The following ATG5 variants were observed in gnomAD, a reference collection of about 807,000 sequenced individuals.
ATG5 encodes autophagy protein 5.
In ATG5, 14 loss-of-function variants were observed where a neutral mutation model predicts 36.5. The ratio of observed to expected loss-of-function variants is 0.38; its 90% CI spans 0.25 to 0.60. The LOEUF is 0.60. Ranked by LOEUF, ATG5 falls within the 20% of genes least tolerant of loss-of-function variation. The probability of loss-of-function intolerance (pLI) is 0.60; values close to 1 mark genes in which losing one functional copy is unlikely to be tolerated. For synonymous variants in ATG5, 95 were observed against 101.5 expected (o/e 0.94, Z 0.38); for missense variants, 195 against 326.7 (o/e 0.60, Z 3.11).
At chr6:106,259,451 A>C (rs1431775436) in intron 5 of ATG5, among the ~76,000 whole-genome samples, 1 of 152,212 alleles carries the variant, frequency 6.6e-6, no homozygotes, top group African/African-American at 2.4e-5. Flanking sequence ...AGATATCTGA[A>C]TTGCATTACT....
chr6:106,223,285 T>C (rs1670438453), intron 6 of ATG5, among the ~76,000 whole-genome samples: 1 of 152,236 alleles, frequency 6.6e-6, no homozygotes, highest in Non-Finnish European at 1.5e-5. Flanking sequence ...AAAATATATC[T>C]GCTGGAAAAA....
intron 6 of ATG5, among the ~76,000 whole-genome samples, chr6:106,208,788 G>C (rs1006695219): frequency 6.6e-6 from 1 of 152,166 alleles, no homozygotes; most frequent in Non-Finnish European, 1.5e-5. Context: ...GAAAGGTCTT[G>C]TGTCTATAAT....
In ATG5 at chr6:106,198,994, T is replaced by C. The variant is rs531828031; in HGVS notation, c.691+2978A>G. On this transcript the variant is annotated intron_variant, in intron 7 of 7. Transcript: ENST00000369076. Reference sequence around the variant, plus strand: ...AGATCTACAAATTATAATAAGCACATGAAAACATGTTCAATACCATTAGCC... The same window carrying C: ...AGATCTACAAATTATAATAAGCACACGAAAACATGTTCAATACCATTAGCC... Among the ~76,000 whole-genome samples the C allele has an allele frequency of 3.3e-5, 5 of 152,146 alleles. No individual in the cohort carries two copies. The South Asian group carries it at 8.3e-4, about 25-fold the overall frequency.
chr6:106,318,533 T>C (rs1048185768), intron 1 of ATG5, among the ~76,000 whole-genome samples: 6 of 152,212 alleles, frequency 3.9e-5, no homozygotes, highest in African/African-American at 1.2e-4. Flanking sequence ...ACCAAAGTTC[T>C]ACAGTAGGAT....
intron 3 of ATG5, among the ~76,000 whole-genome samples, chr6:106,301,859 T>C (rs1770222081): frequency 1.3e-5 from 2 of 152,062 alleles, no homozygotes; most frequent in South Asian, 4.1e-4. Context: ...AGTTACGAAG[T>C]ACAAGGTACC....
intron 5 of ATG5, among the ~76,000 whole-genome samples, chr6:106,263,814 C>T (rs1173008042): frequency 6.9e-6 from 1 of 145,678 alleles, no homozygotes; most frequent in Non-Finnish European, 1.5e-5. Context: ...AGGACCCCCA[C>T]AAAAAAACTC....
intron 6 of ATG5, among the ~76,000 whole-genome samples, chr6:106,236,356 C>T (rs1343762610): frequency 6.6e-6 from 1 of 152,114 alleles, no homozygotes; most frequent in South Asian, 2.1e-4. Flanking sequence ...GCTGTTAGAA[C>T]TGTTGGATCA....
chr6:106,210,879 T>C (rs1582554236), intron 6 of ATG5, among the ~76,000 whole-genome samples: 1 of 152,236 alleles, frequency 6.6e-6, no homozygotes, highest in Non-Finnish European at 1.5e-5. Flanking sequence ...GTTATAATTG[T>C]TCTTTTTAAA....
intron 5 of ATG5, among the ~76,000 whole-genome samples, chr6:106,258,272 TATGGGAAGACTG>T (rs1778876879): frequency 6.6e-6 from 1 of 151,486 alleles, no homozygotes; most frequent in South Asian, 2.1e-4. Context: ...GGGAGACTGA[TATGGGAAGACTG>T]ATTGCCTGAA....
chr6:106,241,780 G>A (rs189176917), intron 6 of ATG5, among the ~76,000 whole-genome samples: 56 of 152,232 alleles, frequency 3.7e-4, no homozygotes, highest in Non-Finnish European at 6.8e-4. Flanking sequence ...GGACTCAACT[G>A]CAACTCTTCC....
At chr6:106,300,170 G>A (rs1229971262) in intron 3 of ATG5, among the ~76,000 whole-genome samples, 1 of 152,084 alleles carries the variant, frequency 6.6e-6, no homozygotes, top group African/African-American at 2.4e-5. Flanking sequence ...ACTCCTTTAT[G>A]CCTAGTTTTC....
At chr6:106,246,914 G>A (rs980049043) in intron 6 of ATG5, among the ~76,000 whole-genome samples, 6 of 152,112 alleles carry the variant, frequency 3.9e-5, no homozygotes, top group African/African-American at 1.2e-4. Context: ...TTCAAATGCC[G>A]GGCACTTTTC....
chr6:106,262,516 T>TA (rs1279267593), intron 5 of ATG5, among the ~76,000 whole-genome samples: 9 of 152,168 alleles, frequency 5.9e-5, no homozygotes, highest in African/African-American at 1.9e-4. Context: ...TCCATTCTCT[T>TA]AAAGAAAATC....
At chr6:106,316,475 T>C (rs1770855123) in intron 1 of ATG5, among the ~76,000 whole-genome samples, 1 of 151,740 alleles carries the variant, frequency 6.6e-6, no homozygotes, top group Non-Finnish European at 1.5e-5. Flanking sequence ...AGGAATCAGA[T>C]CAAAATTACA....
chr6:106,297,717 AAC>A (rs56336702), intron 3 of ATG5, among the ~76,000 whole-genome samples: 18,051 of 135,220 alleles, frequency 0.13, 1,066 homozygotes, highest in Non-Finnish European at 0.15. Flanking sequence ...AAATGACTTA[AAC>A]ACACACACAC....
intron 3 of ATG5, among the ~76,000 whole-genome samples, chr6:106,306,447 G>A (rs554155099): frequency 3.8e-4 from 58 of 152,284 alleles, no homozygotes; most frequent in African/African-American, 1.4e-3. Context: ...GGGACATCTG[G>A]CAACATTTTT....
intron 4 of ATG5, among the ~76,000 whole-genome samples, chr6:106,292,205 C>T (rs1366948208): frequency 6.6e-6 from 1 of 152,174 alleles, no homozygotes; most frequent in Non-Finnish European, 1.5e-5. Flanking sequence ...GAATGAATCA[C>T]TGTTCGTGAT....
At chr6:106,191,231 A>T (rs1286131453) in intron 7 of ATG5, among the ~76,000 whole-genome samples, 2 of 152,186 alleles carry the variant, frequency 1.3e-5, no homozygotes, top group African/African-American at 4.8e-5. Context: ...GAATCTTATG[A>T]TCATACCAGT....
chr6:106,246,374 T>A (rs1778334236), intron 6 of ATG5, among the ~76,000 whole-genome samples: 1 of 85,116 alleles, frequency 1.2e-5, no homozygotes. Flanking sequence ...TGTCTCTGTC[T>A]CTCTCTCTCT....
Sources: gnomAD v4.1 joint callset for allele counts (sites outside exome capture counted in the v4.1 genomes callset) on GRCh38, gnomAD v4.1.1 for gene constraint, MANE v1.5 for transcripts, NCBI Gene and HGNC (gene_info 2026-07-23, HGNC 2026-07-21) for gene names.